Variants in PHF13 observed in about 807,000 individuals in gnomAD.
PHF13 encodes the protein PHD finger protein 13.
PHF13 carries 1 observed loss-of-function variant against 25.8 expected under a neutral mutation model. That is an observed-to-expected ratio of 0.04 (90% CI 0.01 to 0.18). PHF13 has a LOEUF of 0.18. Among genes scored for constraint, PHF13 ranks in the 10% least tolerant of loss-of-function variants. The pLI, the probability that PHF13 is intolerant of heterozygous loss-of-function variation, is 1.00. For missense variants in PHF13, 306 were observed against 403.2 expected (o/e 0.76, Z 2.06); for synonymous variants, 195 against 162.4 (o/e 1.20, Z -1.53).
chr1:6,622,091 A>G lies in PHF13; in HGVS notation c.*454A>G. The G allele has an allele frequency of 4.5e-6, 1 of 220,966 alleles. No individual in the cohort carries two copies. Among genetic ancestry groups the G allele is most frequent in the African/African-American group, 2.2e-5 (1 of 44,786 alleles). 13.7% of individuals were successfully genotyped at this position (220,966 alleles called of 1,614,324 possible). A position where few individuals can be genotyped will look rare whatever the true frequency, so the allele number is the denominator to read the frequency against. On this transcript the variant is annotated 3_prime_UTR_variant, in exon 4 of 4. Transcript: ENST00000377648. The stretch of plus-strand genomic sequence containing the variant: ...TCTTGAGTGTTAAGTCTTTTACCAA[A>G]AGTGTCTGTACAGCAGCCATCCAAG...
rs572786701 is a variant in PHF13, at chr1:6,621,352, C to T, written c.677-59C>T. 3.8e-5 allele frequency: 59 copies of T among 1,560,494 alleles called. No homozygotes were observed. The highest frequency in any genetic ancestry group is 5.2e-5 in the Non-Finnish European group (59 of 1,136,338). On this transcript the variant is annotated intron_variant, in intron 3 of 3. Coordinates refer to ENST00000377648, the MANE Select transcript of PHF13 (RefSeq NM_153812.3). This position sits in a 1 kb window ranked among gnomAD's most constrained non-coding sequence, Gnocchi z 4.8. ...GTTAATGGGTTTCATGGAAGCCCAG[C>T]TGATGGCGAGGAATGATGGGAATTT...
In PHF13 at chr1:6,621,229, GGGTAATACCT is replaced by G. The variant is rs1001056666; in HGVS notation, c.677-178_677-169del. 2.1e-4 allele frequency among the ~76,000 whole-genome samples: 32 copies of G among 151,946 alleles called. No homozygotes were observed. Among genetic ancestry groups the G allele is most frequent in the African/African-American group, 7.0e-4 (29 of 41,438 alleles). On this transcript the variant is annotated intron_variant, in intron 3 of 3. Transcript: ENST00000377648. This position sits in a 1 kb window ranked among gnomAD's most constrained non-coding sequence, Gnocchi z 4.8. ...AAAAAAAAAAAAGTAAGCATCTCCT[GGGTAATACCT>G]GGTTCCCACACATTTTGGAGCCCCT...
rs1385937820 is a variant in PHF13 at position 6,621,110 on chromosome 1, A to G, written c.677-301A>G. On this transcript the variant is annotated intron_variant, in intron 3 of 3. Transcript: ENST00000377648. This position sits in a 1 kb window ranked among gnomAD's most constrained non-coding sequence, Gnocchi z 4.8. The stretch of plus-strand genomic sequence containing the variant: ...CTATTTGGGAGGCTGAGGTGGGAGG[A>G]TGGCTTGACTGCAGGAGTTTGAGGC... Among the ~76,000 whole-genome samples, 1 of 149,210 alleles carries G rather than the reference A, an allele frequency of 6.7e-6. No individual in the cohort carries two copies. Among genetic ancestry groups the G allele is most frequent in the Non-Finnish European group, 1.5e-5 (1 of 67,550 alleles).
In PHF13 at chr1:6,621,032, G is replaced by GAA. The variant is rs34391010; in HGVS notation, c.677-366_677-365dup. Among the ~76,000 whole-genome samples, 371 of 136,430 alleles carry GAA rather than the reference G, an allele frequency of 2.7e-3. No individual in the cohort carries two copies. The highest frequency in any genetic ancestry group is 7.5e-3 in the Middle Eastern group (2 of 268). 89.5% of individuals were successfully genotyped at this position (136,430 alleles called of 152,430 possible). On this transcript the variant is annotated intron_variant, in intron 3 of 3. Transcript: ENST00000377648. This position sits in a 1 kb window ranked among gnomAD's most constrained non-coding sequence, Gnocchi z 4.8. ...GGGCGACAGCAAAACTCCGTCTCAA[G>GAA]AAAAAAAAAAAAAACAATAGTCGAG...
intron 1 of PHF13, among the ~76,000 whole-genome samples, chr1:6,615,331 G>A (rs973848024): frequency 2.6e-5 from 4 of 152,224 alleles, no homozygotes; most frequent in Non-Finnish European, 1.5e-5. Flanking sequence ...CGCGGTTCCC[G>A]TGGCTGGGCA....
At position 6,614,395 on chromosome 1, in the gene PHF13, C is replaced by T. The variant is rs1641221408; in HGVS notation, c.39+290C>T. 1.9e-5 allele frequency: 8 copies of T among 422,918 alleles called. No individual in the cohort carries two copies. In the South Asian group the frequency reaches 2.0e-4, roughly 11 times the overall value. 26.2% of individuals were successfully genotyped at this position (422,918 alleles called of 1,614,324 possible). A position where few individuals can be genotyped will look rare whatever the true frequency, so the allele number is the denominator to read the frequency against. ...CCCCCGGGCCGCCCCTCTCCGGCCT[C>T]GCGTCGACCTGGGACCTGTCGGCGC... On this transcript the variant is annotated intron_variant, in intron 1 of 3. Coordinates refer to ENST00000377648, the MANE Select transcript of PHF13 (RefSeq NM_153812.3).
At position 6,616,745 on chromosome 1, in the gene PHF13, T is replaced by C. The variant is rs749806689; in HGVS notation, c.40-12T>C. ...TCCTTCAAACACATTCCCTTTTCTC[T>C]CCCCTTAATAGGAATACTCCCCCAG... On this transcript the variant is annotated splice_polypyrimidine_tract_variant and intron_variant, in intron 1 of 3. Transcript: ENST00000377648. 3.1e-6 allele frequency: 5 copies of C among 1,607,844 alleles called. No homozygotes were observed. Among genetic ancestry groups the C allele is most frequent in the Non-Finnish European group, 4.3e-6 (5 of 1,174,306 alleles).
intron 2 of PHF13, 81 bp from the exon 3 acceptor site, chr1:6,619,722 A>C (rs995355597): frequency 7.0e-7 from 1 of 1,419,756 alleles, no homozygotes; most frequent in Admixed American, 2.2e-5. Context: ...GAGGTCTGAC[A>C]TGGCTGGGTG....
rs920016671 is a variant in PHF13, at chr1:6,621,484, T to C, written c.750T>C (p.Asn250=). 2 of 1,614,122 alleles carry C rather than the reference T, an allele frequency of 1.2e-6. No individual in the cohort carries two copies. Among genetic ancestry groups the C allele is most frequent in the Non-Finnish European group, 1.7e-6 (2 of 1,180,006 alleles). ...PFAGRPMIEC[N]ECHTWIHLSC... ...CCGGCCGCCCCATGATCGAGTGTAA[T>C]GAGTGCCACACCTGGATTCACCTGT... Residue 250 remains asparagine, a synonymous_variant, in exon 4 of 4, where the codon AAT becomes AAC. Coordinates refer to ENST00000377648, the MANE Select transcript of PHF13 (RefSeq NM_153812.3). The surrounding 1 kb of genome is among the most constrained non-coding windows in gnomAD (Gnocchi z 4.8).
In PHF13 at chr1:6,621,801, T is replaced by G; in HGVS notation, c.*164T>G. ...GGCTGTCCAAGGTAGAAACTGTACA[T>G]AGCCGGTGACCGAATGCGACCTTTG... On this transcript the variant is annotated 3_prime_UTR_variant, in exon 4 of 4. Coordinates refer to ENST00000377648, the MANE Select transcript of PHF13 (RefSeq NM_153812.3). The surrounding 1 kb of genome is among the most constrained non-coding windows in gnomAD (Gnocchi z 4.8). 6 of 698,440 alleles carry G rather than the reference T, an allele frequency of 8.6e-6. No individual in the cohort carries two copies. Among genetic ancestry groups the G allele is most frequent in the East Asian group, 2.8e-5 (1 of 36,130 alleles). 43.3% of individuals were successfully genotyped at this position (698,440 alleles called of 1,614,324 possible). A position where few individuals can be genotyped will look rare whatever the true frequency, so the allele number is the denominator to read the frequency against.
At position 6,613,995 on chromosome 1, in the gene PHF13, A is replaced by G; in HGVS notation, c.-72A>G. ...GCCCTGCGCAGCCGCCCGAGCCCCC[A>G]GCCCCGGGCGGCCCCGCTCCAGCAT... On this transcript the variant is annotated 5_prime_UTR_variant, in exon 1 of 4. Transcript: ENST00000377648. 1.0e-6 allele frequency: 1 copy of G among 969,632 alleles called. No individual in the cohort carries two copies. The highest frequency in any genetic ancestry group is 1.5e-6 in the Non-Finnish European group (1 of 679,626). The allele number at this position is 969,632 out of a possible 1,614,324, so 60.1% of individuals were successfully genotyped here.
rs184461175 is a variant in PHF13 at position 6,619,143 on chromosome 1, A to G, written c.142-660A>G. ...CAAAACTAATTTAAATTCACTTAAA[A>G]CAATATATCTCTTGGGAGGGCAAAT... On this transcript the variant is annotated intron_variant, in intron 2 of 3. Transcript: ENST00000377648. Among the ~76,000 whole-genome samples the G allele has an allele frequency of 2.7e-4, 41 of 151,416 alleles. 1 individual carries two copies. The highest frequency in any genetic ancestry group is 9.8e-4 in the African/African-American group (40 of 40,736).
chr1:6,621,854 T>G lies in PHF13; in HGVS notation c.*217T>G. The stretch of plus-strand genomic sequence containing the variant: ...AGCCAGAGCTGCTGCCAGAGCTGCG[T>G]TCCCTGCAGTGGAGGTGGACTGGAC... On this transcript the variant is annotated 3_prime_UTR_variant, in exon 4 of 4. Transcript: ENST00000377648. This position sits in a 1 kb window ranked among gnomAD's most constrained non-coding sequence, Gnocchi z 4.8. 1 of 591,034 alleles carries G rather than the reference T, an allele frequency of 1.7e-6. No homozygotes were observed. The highest frequency in any genetic ancestry group is 3.0e-6 in the Non-Finnish European group (1 of 332,980). The allele number at this position is 591,034 out of a possible 1,614,324, so 36.6% of individuals were successfully genotyped here.
chr1:6,614,155 C>A (rs767213382), intron 1 of PHF13, 50 bp downstream of exon 1: 7 of 1,571,478 alleles, frequency 4.5e-6, no homozygotes, highest in Non-Finnish European at 6.0e-6. Context: ...CCTCCGCGAT[C>A]CTGCCGTCCT....
rs150186588 is a variant in PHF13 at position 6,616,783 on chromosome 1, C to T, written c.66C>T (p.Arg22=). 8.7e-5 allele frequency: 141 copies of T among 1,614,162 alleles called. No homozygotes were observed. The highest frequency in any genetic ancestry group is 1.5e-4 in the Admixed American group (9 of 60,024). ...AATACTCCCCCAGTTGCAAGAGGCG[C>T]AGGACCGTGGAAGACTTCAACAAAT... is the stretch of plus-strand genomic sequence containing the variant. ...PEEYSPSCKR[R]RTVEDFNKFC... is the part of the protein sequence containing the mutation. Residue 22 remains arginine (R), a synonymous_variant, in exon 2 of 4, where the codon CGC becomes CGT. Transcript: ENST00000377648.
At chr1:6,618,301 T>G (rs541111490) in intron 2 of PHF13, among the ~76,000 whole-genome samples, 28 of 152,186 alleles carry the variant, frequency 1.8e-4, no homozygotes, top group Non-Finnish European at 2.9e-5. Context: ...CCCACCTAAT[T>G]TTTGTATTTT....
rs538165495 is a variant in PHF13 at position 6,621,732 on chromosome 1, G to C, written c.*95G>C. On this transcript the variant is annotated 3_prime_UTR_variant, in exon 4 of 4. Coordinates refer to ENST00000377648, the MANE Select transcript of PHF13 (RefSeq NM_153812.3). This position sits in a 1 kb window ranked among gnomAD's most constrained non-coding sequence, Gnocchi z 4.8. ...GTTGAGCACAGAACCCTCAGCTCTG[G>C]TGCGGGCAGATCCCTGCCATTTAGG... 2 of 1,253,760 alleles carry C rather than the reference G, an allele frequency of 1.6e-6. No individual in the cohort carries two copies. Among genetic ancestry groups the C allele is most frequent in the East Asian group, 4.9e-5 (2 of 40,746 alleles). The allele number at this position is 1,253,760 out of a possible 1,614,324, so 77.7% of individuals were successfully genotyped here.
Position 6,622,577 on chromosome 1 carries a change from A to G in PHF13, c.*940A>G, listed in dbSNP as rs1641355145. 6.6e-6 allele frequency: 1 copy of G among 152,224 alleles called. No individual in the cohort carries two copies. The highest frequency in any genetic ancestry group is 2.4e-5 in the African/African-American group (1 of 41,418). 9.4% of individuals were successfully genotyped at this position (152,224 alleles called of 1,614,324 possible). A position where few individuals can be genotyped will look rare whatever the true frequency, so the allele number is the denominator to read the frequency against. ...GGACCCGCATGGTGTTCCTCCAAAG[A>G]ATAGGGTAAAGGAGAGCTGGGAGGG... On this transcript the variant is annotated 3_prime_UTR_variant, in exon 4 of 4. Coordinates refer to ENST00000377648, the MANE Select transcript of PHF13 (RefSeq NM_153812.3).
In PHF13 at chr1:6,620,309, C is replaced by T; in HGVS notation, c.648C>T (p.Gly216=). 3 of 1,613,302 alleles carry T rather than the reference C, an allele frequency of 1.9e-6. No homozygotes were observed. The change falls in exon 3 of 4, where the codon GGC becomes GGT. Residue 216 remains glycine, a synonymous_variant. Transcript: ENST00000377648. ...TGTTCCGAGATGAGGACAGCACTGG[C>T]AATGATGAGGACATCATGGTGGACT... ...QVVFRDEDST[G]NDEDIMVDSD... is the part of the protein sequence containing the mutation.
Sources: gnomAD v4.1 joint callset for allele counts (sites outside exome capture counted in the v4.1 genomes callset) on GRCh38, gnomAD v4.1.1 for gene constraint, Gnocchi (gnomAD v3.1) non-coding constraint, MANE v1.5 for transcripts, NCBI Gene and HGNC (gene_info 2026-07-23, HGNC 2026-07-21) for gene names.